The following CHORDC1 variants were observed in gnomAD, a reference collection of about 807,000 sequenced individuals.
CHORDC1 encodes cysteine and histidine-rich domain-containing protein 1.
A neutral mutation model predicts 48.3 loss-of-function variants in CHORDC1; 25 were observed. That is an observed-to-expected ratio of 0.52 (90% CI 0.38 to 0.72). The LOEUF (loss-of-function observed/expected upper bound fraction) is 0.72. CHORDC1 is among the 30% of genes least tolerant of loss of function. The probability of loss-of-function intolerance (pLI) is 0.00; values close to 1 mark genes in which losing one functional copy is unlikely to be tolerated. For synonymous variants in CHORDC1, 128 were observed against 126.4 expected (o/e 1.01, Z -0.09); for missense variants, 317 against 388.7 (o/e 0.82, Z 1.55).
intron 2 of CHORDC1, 137 bp downstream of exon 2, chr11:90,217,998 G>C: frequency 1.9e-6 from 1 of 530,070 alleles, no homozygotes; most frequent in Non-Finnish European, 3.3e-6. Context: ...TGGAGTATAC[G>C]CTTAAAGCAC....
intron 1 of CHORDC1, 35 bp downstream of exon 1, chr11:90,222,856 G>A (rs767458351): frequency 1.5e-5 from 24 of 1,584,438 alleles, no homozygotes; most frequent in Non-Finnish European, 2.0e-5. Context: ...TGATGAGGTG[G>A]AGGGGAGGGA....
chr11:90,222,617 G>C (rs1858200295), intron 1 of CHORDC1: 1 of 663,362 alleles, frequency 1.5e-6, no homozygotes, highest in Middle Eastern at 3.1e-4. Flanking sequence ...GGAGTGCGGG[G>C]ACGACGGGGG....
At chr11:90,216,581 C>A in intron 2 of CHORDC1, 1 of 435,912 alleles carries the variant, frequency 2.3e-6, no homozygotes, top group Non-Finnish European at 4.5e-6. Flanking sequence ...AAAATAGAGA[C>A]CACAATAAAC....
intron 3 of CHORDC1, among the ~76,000 whole-genome samples, chr11:90,214,592 T>A (rs950488239): frequency 6.6e-6 from 1 of 152,082 alleles, no homozygotes; most frequent in East Asian, 1.9e-4. Context: ...CTCCATCTCC[T>A]CATTTGTAAA....
chr11:90,209,348 T>A lies in CHORDC1; in HGVS notation c.492+1188A>T, dbSNP rs1396733655. ...CCTGCTAATACAGGCAGATGCTCCT[T>A]TGCTTACAATGTGGTTATAGCCTGA... On this transcript the variant is annotated intron_variant, in intron 6 of 10. Transcript: ENST00000320585. 2.6e-5 allele frequency: 4 copies of A among 152,310 alleles called. No individual in the cohort carries two copies. The East Asian group carries it at 7.7e-4, about 29-fold the overall frequency. The allele number at this position is 152,310 out of a possible 1,614,324, so 9.4% of individuals were successfully genotyped here.
intron 1 of CHORDC1, chr11:90,222,507 T>A (rs1681297406): frequency 7.4e-6 from 3 of 406,896 alleles, no homozygotes. Flanking sequence ...CTTCGGGAAC[T>A]ACAAAGCAAG....
chr11:90,219,588 A>G (rs1243549654), intron 1 of CHORDC1, among the ~76,000 whole-genome samples: 1 of 152,248 alleles, frequency 6.6e-6, no homozygotes, highest in Non-Finnish European at 1.5e-5. Context: ...GCATTCTTAA[A>G]CCACAAACAA....
At chr11:90,203,798 G>T (rs1417262682) in intron 8 of CHORDC1, among the ~76,000 whole-genome samples, 1 of 151,858 alleles carries the variant, frequency 6.6e-6, no homozygotes, top group Non-Finnish European at 1.5e-5. Flanking sequence ...TGAAATGAAA[G>T]ACATTTGTTT....
chr11:90,219,516 G>A (rs547613883), intron 1 of CHORDC1, among the ~76,000 whole-genome samples: 1 of 152,324 alleles, frequency 6.6e-6, no homozygotes, highest in African/African-American at 2.4e-5. Flanking sequence ...CTAGAAGGTT[G>A]TGAGTCTACC....
chr11:90,210,912 T>A (rs950537721), intron 5 of CHORDC1: 1 of 325,266 alleles, frequency 3.1e-6, no homozygotes, highest in Admixed American at 4.7e-5. Context: ...ATATATTTTG[T>A]ATAATGTACA....
intron 8 of CHORDC1, among the ~76,000 whole-genome samples, chr11:90,204,996 A>G (rs1249483604): frequency 6.6e-6 from 1 of 152,040 alleles, no homozygotes; most frequent in Non-Finnish European, 1.5e-5. Context: ...ATTCAAAACA[A>G]TTCCACTGAA....
In CHORDC1 at chr11:90,218,141, T is replaced by G. The variant is rs770678008; in HGVS notation, c.108A>C (p.Ala36=). ...YHPGVPVFHD[A]LKGWSCCKRR... ...ATGAAAATATAGTTCCTACCTTTAA[T>G]GCATCGTGAAAGACCGGAACACCTG... The change falls in exon 2 of 11, where the codon GCA becomes GCC. Residue 36 remains alanine, a synonymous_variant. Coordinates refer to ENST00000320585, the MANE Select transcript of CHORDC1 (RefSeq NM_012124.3). The G allele has an allele frequency of 6.3e-7, 1 of 1,576,148 alleles. No homozygotes were observed. The highest frequency in any genetic ancestry group is 8.6e-7 in the Non-Finnish European group (1 of 1,166,412).
intron 7 of CHORDC1, 111 bp from the exon 8 acceptor site, chr11:90,205,676 T>C: frequency 1.5e-6 from 1 of 678,824 alleles, no homozygotes; most frequent in South Asian, 1.9e-5. Context: ...GTACAAACTC[T>C]AGCATTTTAC....
chr11:90,207,815 T>C (rs946674985), intron 6 of CHORDC1: 17 of 83,738 alleles, frequency 2.0e-4, no homozygotes, highest in African/African-American at 6.4e-4. Flanking sequence ...TAAGAAACCA[T>C]AGGACAAGTT....
intron 6 of CHORDC1, chr11:90,206,757 T>C (rs928263484): frequency 1.4e-5 from 18 of 1,284,162 alleles, no homozygotes; most frequent in Non-Finnish European, 1.5e-5. Flanking sequence ...CCTATATATA[T>C]ATCCAGGGTT....
chr11:90,211,695 T>A (rs573376760), intron 4 of CHORDC1: 1 of 166,980 alleles, frequency 6.0e-6, no homozygotes, highest in East Asian at 1.8e-4. Context: ...GAGCACATAA[T>A]AAACATGAAA....
intron 6 of CHORDC1, chr11:90,208,569 A>G (rs760641245): frequency 1.3e-5 from 2 of 152,230 alleles, no homozygotes; most frequent in African/African-American, 2.4e-5. Flanking sequence ...GCTACATGCA[A>G]CAAAGATAAA....
chr11:90,215,169 C>G lies in CHORDC1; in HGVS notation c.171+5G>C, dbSNP rs1857977082. 1 of 1,483,576 alleles carries G rather than the reference C, an allele frequency of 6.7e-7. No individual in the cohort carries two copies. Among genetic ancestry groups the G allele is most frequent in the Non-Finnish European group, 9.2e-7 (1 of 1,086,422 alleles). The allele number at this position is 1,483,576 out of a possible 1,614,324, so 91.9% of individuals were successfully genotyped here. A position where few individuals can be genotyped will look rare whatever the true frequency, so the allele number is the denominator to read the frequency against. On this transcript the variant is annotated splice_donor_5th_base_variant and intron_variant, in intron 3 of 10. Coordinates refer to ENST00000320585, the MANE Select transcript of CHORDC1 (RefSeq NM_012124.3). ...GATAATCTAGAAAAAATAATTAGTACTTACTACAATGCTTAAGAAATCAGA... is the reference window on the plus strand; with the variant it reads ...GATAATCTAGAAAAAATAATTAGTAGTTACTACAATGCTTAAGAAATCAGA...
intron 2 of CHORDC1, chr11:90,216,637 T>G (rs1216761922): frequency 2.1e-5 from 8 of 389,434 alleles, no homozygotes; most frequent in South Asian, 7.7e-5. Flanking sequence ...TCAAAGTGAA[T>G]TCATTAAGAC....
Sources: allele counts gnomAD v4.1 joint callset (sites outside exome capture counted in the v4.1 genomes callset), GRCh38; gene constraint gnomAD v4.1.1; transcripts MANE v1.5; gene names NCBI Gene and HGNC (gene_info 2026-07-23, HGNC 2026-07-21).